Variants in COX7B2 observed in about 807,000 individuals in gnomAD.
COX7B2 encodes the protein cytochrome c oxidase subunit 7B2.
For missense variants in COX7B2, 109 were observed against 95.9 expected, an observed-to-expected ratio of 1.14 and a Z score of -0.57; for synonymous variants, 37 against 32.1, an observed-to-expected ratio of 1.15 and a Z score of -0.51.
intron 2 of COX7B2, among the ~76,000 whole-genome samples, chr4:46,821,906 T>TTTTGTTTG (rs200278172): frequency 2.0e-5 from 3 of 151,936 alleles, no homozygotes; most frequent in Admixed American, 6.6e-5. Context: ...TTTTTGTTTG[T>TTTTGTTTG]TTTGTTTGTT....
chr4:46,895,494 G>A (rs1158535186), intron 1 of COX7B2, among the ~76,000 whole-genome samples: 1 of 152,026 alleles, frequency 6.6e-6, no homozygotes, highest in African/African-American at 2.4e-5. Flanking sequence ...ACTTGAGGGT[G>A]GAGAGTAAGA....
intron 1 of COX7B2, among the ~76,000 whole-genome samples, chr4:46,886,945 A>G (rs1430265762): frequency 1.3e-5 from 2 of 152,054 alleles, no homozygotes; most frequent in African/African-American, 2.4e-5. Flanking sequence ...ATTGGTGTGG[A>G]AAAAAAATCG....
intron 2 of COX7B2, among the ~76,000 whole-genome samples, chr4:46,804,208 G>C (rs183229135): frequency 6.6e-6 from 1 of 152,088 alleles, no homozygotes; most frequent in African/African-American, 2.4e-5. Context: ...AGACCTTCAC[G>C]GTGAGTGTTA....
chr4:46,826,224 C>CT lies in COX7B2; in HGVS notation c.-50+18735dup, dbSNP rs569515477. On this transcript the variant is annotated intron_variant, in intron 2 of 2. Transcript: ENST00000355591. ...AGTGAGCAAAGAACATGAACAGACA[C>CT]TTTTTTAAAGAAGACATATATGCAG... is the stretch of plus-strand genomic sequence containing the variant. Among the ~76,000 whole-genome samples, 3 of 152,024 alleles carry CT rather than the reference C, an allele frequency of 2.0e-5. No homozygotes were observed. The South Asian group carries it at 6.2e-4, about 31-fold the overall frequency.
intron 2 of COX7B2, among the ~76,000 whole-genome samples, chr4:46,840,028 A>G (rs1382873370): frequency 6.6e-6 from 1 of 152,048 alleles, no homozygotes. Context: ...ACACAACCTG[A>G]GGACGTTCTC....
chr4:46,763,079 ATTAC>A (rs1295243791), intron 2 of COX7B2, among the ~76,000 whole-genome samples: 3 of 129,524 alleles, frequency 2.3e-5, no homozygotes, highest in African/African-American at 9.0e-5. Flanking sequence ...TATAATATAT[ATTAC>A]ATATTATAAT....
At chr4:46,893,273 G>A (rs887414811) in intron 1 of COX7B2, among the ~76,000 whole-genome samples, 14 of 152,054 alleles carry the variant, frequency 9.2e-5, no homozygotes, top group Non-Finnish European at 5.9e-5. Context: ...AACTTACTTG[G>A]CTATAAAAAT....
At chr4:46,789,687 T>A (rs1717936643) in intron 2 of COX7B2, among the ~76,000 whole-genome samples, 1 of 152,174 alleles carries the variant, frequency 6.6e-6, no homozygotes, top group Non-Finnish European at 1.5e-5. Flanking sequence ...AATTCCTAAG[T>A]CTTTCAAATT....
At chr4:46,793,058 A>G (rs1441849286) in intron 2 of COX7B2, among the ~76,000 whole-genome samples, 1 of 152,230 alleles carries the variant, frequency 6.6e-6, no homozygotes, top group Non-Finnish European at 1.5e-5. Flanking sequence ...GGTTTTCTTT[A>G]GTTAAAACCT....
At chr4:46,891,059 A>C (rs1404096658) in intron 1 of COX7B2, among the ~76,000 whole-genome samples, 1 of 152,208 alleles carries the variant, frequency 6.6e-6, no homozygotes, top group African/African-American at 2.4e-5. Flanking sequence ...AGTAAACTTC[A>C]AAAGTTGTTG....
At chr4:46,907,218 A>G (rs1403844569) in intron 1 of COX7B2, among the ~76,000 whole-genome samples, 1 of 152,052 alleles carries the variant, frequency 6.6e-6, no homozygotes, top group Non-Finnish European at 1.5e-5. Context: ...ATCCTCTTGA[A>G]TCTCTATTTC....
chr4:46,745,084 A>C (rs1296566441), intron 2 of COX7B2, among the ~76,000 whole-genome samples: 3 of 152,166 alleles, frequency 2.0e-5, no homozygotes, highest in African/African-American at 7.2e-5. Flanking sequence ...TTTTGCATTA[A>C]AATTGTTTGC....
At chr4:46,874,090 T>C (rs930456794) in intron 1 of COX7B2, among the ~76,000 whole-genome samples, 6 of 152,160 alleles carry the variant, frequency 3.9e-5, no homozygotes, top group African/African-American at 7.2e-5. Context: ...TCTTTGTATC[T>C]TGAGTTTGGG....
chr4:46,766,707 A>G (rs575552788), intron 2 of COX7B2, among the ~76,000 whole-genome samples: 448 of 67,180 alleles, frequency 6.7e-3, no homozygotes, highest in African/African-American at 0.021. Flanking sequence ...TCTCGAAAAG[A>G]AAAAAAAAAA....
intron 2 of COX7B2, among the ~76,000 whole-genome samples, chr4:46,796,251 G>C (rs564068073): frequency 0.022 from 3,236 of 148,304 alleles, 51 homozygotes; most frequent in Non-Finnish European, 0.033. Flanking sequence ...AATAGGAGCG[G>C]TGAGAGAGGG....
intron 1 of COX7B2, among the ~76,000 whole-genome samples, chr4:46,847,800 C>A (rs137863730): frequency 1.3e-5 from 2 of 151,924 alleles, no homozygotes; most frequent in East Asian, 3.9e-4. Context: ...GAGGAATAGA[C>A]AAAAATGCAA....
At chr4:46,852,121 TCTA>T (rs938886045) in intron 1 of COX7B2, among the ~76,000 whole-genome samples, 1 of 152,082 alleles carries the variant, frequency 6.6e-6, no homozygotes, top group African/African-American at 2.4e-5. Context: ...TAATTAAAAT[TCTA>T]CTGTGAAAAG....
At chr4:46,884,215 A>G (rs948115866) in intron 1 of COX7B2, among the ~76,000 whole-genome samples, 2 of 151,968 alleles carry the variant, frequency 1.3e-5, no homozygotes, top group Non-Finnish European at 2.9e-5. Context: ...TTTAGAAGCA[A>G]TGTTTCACTT....
At chr4:46,785,397 G>A (rs1310987079) in intron 2 of COX7B2, among the ~76,000 whole-genome samples, 7 of 146,678 alleles carry the variant, frequency 4.8e-5, no homozygotes, top group Non-Finnish European at 8.9e-5. Context: ...TTTTTGAGAC[G>A]GAGTCTTGCT....
Sources: gnomAD v4.1 joint callset for allele counts (sites outside exome capture counted in the v4.1 genomes callset) on GRCh38, gnomAD v4.1.1 for gene constraint, MANE v1.5 for transcripts, NCBI Gene and HGNC (gene_info 2026-07-23, HGNC 2026-07-21) for gene names.